Variants in RANBP17 observed in about 807,000 individuals in gnomAD.
RANBP17 encodes the protein ran-binding protein 17.
Under a neutral mutation model 141.2 loss-of-function variants are expected in RANBP17, and 158 were observed. The ratio of observed to expected loss-of-function variants is 1.12; its 90% CI spans 0.98 to 1.28. The LOEUF is 1.28. Ranked by LOEUF, RANBP17 falls within the 50% of genes most tolerant of loss-of-function variation. The pLI is 0.00. For missense variants in RANBP17, 1,438 were observed against 1,290.7 expected (o/e 1.11, Z -1.75); for synonymous variants, 430 against 450.0 (o/e 0.96, Z 0.56).
At chr5:171,172,371 T>C (rs1241137565) in intron 16 of RANBP17, among the ~76,000 whole-genome samples, 1 of 151,812 alleles carries the variant, frequency 6.6e-6, no homozygotes, top group Non-Finnish European at 1.5e-5. Flanking sequence ...TCAGGATTCT[T>C]TTTATTATTT....
intron 13 of RANBP17, among the ~76,000 whole-genome samples, chr5:170,963,958 A>C (rs1160459244): frequency 1.3e-5 from 2 of 152,238 alleles, no homozygotes; most frequent in African/African-American, 2.4e-5. Context: ...AAAGGATATG[A>C]GCAAACGGGT....
At chr5:171,036,855 T>C (rs1581459111) in intron 14 of RANBP17, among the ~76,000 whole-genome samples, 1 of 152,208 alleles carries the variant, frequency 6.6e-6, no homozygotes, top group East Asian at 1.9e-4. Flanking sequence ...AACATCTAGA[T>C]TGATTCCACA....
At chr5:170,908,528 A>G (rs1771258272) in intron 5 of RANBP17, among the ~76,000 whole-genome samples, 1 of 151,362 alleles carries the variant, frequency 6.6e-6, no homozygotes, top group African/African-American at 2.4e-5. Flanking sequence ...GGAGAGATAG[A>G]AAGGGGTAAA....
At chr5:170,916,790 A>G (rs754011490) in intron 9 of RANBP17, among the ~76,000 whole-genome samples, 4 of 149,052 alleles carry the variant, frequency 2.7e-5, no homozygotes, top group Non-Finnish European at 4.4e-5. Context: ...ATCTTGGCTC[A>G]CTGCAACCTC....
intron 14 of RANBP17, among the ~76,000 whole-genome samples, chr5:171,045,920 C>G (rs1782552159): frequency 6.6e-6 from 1 of 152,168 alleles, no homozygotes. Flanking sequence ...TTCCCATTCA[C>G]TACTGTTTTG....
chr5:171,010,908 A>G (rs1339949531), intron 14 of RANBP17, among the ~76,000 whole-genome samples: 1 of 152,154 alleles, frequency 6.6e-6, no homozygotes, highest in Non-Finnish European at 1.5e-5. Context: ...GAATTGTAAT[A>G]CGTAATTTAA....
intron 14 of RANBP17, among the ~76,000 whole-genome samples, chr5:171,025,834 T>C (rs1047597384): frequency 1.3e-5 from 2 of 152,138 alleles, no homozygotes; most frequent in African/African-American, 4.8e-5. Context: ...GTGATCCTCC[T>C]GCCTCGGTCT....
chr5:171,169,673 T>A (rs1035173314), intron 14 of RANBP17, among the ~76,000 whole-genome samples: 1 of 133,822 alleles, frequency 7.5e-6, no homozygotes, highest in Non-Finnish European at 1.7e-5. Context: ...TTGATTTTTT[T>A]AAATCCTTAT....
intron 25 of RANBP17, among the ~76,000 whole-genome samples, chr5:171,289,842 C>CA (rs1205711133): frequency 2.0e-5 from 3 of 151,878 alleles, no homozygotes; most frequent in Non-Finnish European, 4.4e-5. Flanking sequence ...CCAGCCAGGC[C>CA]AACATGGTGA....
At chr5:171,090,161 C>T (rs1265394874) in intron 14 of RANBP17, among the ~76,000 whole-genome samples, 1 of 152,096 alleles carries the variant, frequency 6.6e-6, no homozygotes, top group Non-Finnish European at 1.5e-5. Flanking sequence ...TTTGGAACTC[C>T]CTAGAGACTT....
rs1299272359 is a variant in RANBP17, at chr5:170,916,589, T to A, written c.954+5T>A. 1 of 1,526,210 alleles carries A rather than the reference T, an allele frequency of 6.6e-7. No individual in the cohort carries two copies. The highest frequency in any genetic ancestry group is 2.0e-5 in the Admixed American group (1 of 50,336). 94.5% of individuals were successfully genotyped at this position (1,526,210 alleles called of 1,614,324 possible). A position where few individuals can be genotyped will look rare whatever the true frequency, so the allele number is the denominator to read the frequency against. On this transcript the variant is annotated splice_donor_5th_base_variant and intron_variant, in intron 9 of 27. Transcript: ENST00000523189. ...AGGATACTTGAAAACCCTCAGGTAT[T>A]TATGAAGTAATTTAATACTTAGCAT...
intron 5 of RANBP17, among the ~76,000 whole-genome samples, chr5:170,901,163 T>C (rs1770604003): frequency 6.6e-6 from 1 of 152,206 alleles, no homozygotes; most frequent in Non-Finnish European, 1.5e-5. Context: ...TGTAGGTCTC[T>C]AAGAACTTGC....
chr5:170,876,788 A>G (rs1768216705), intron 1 of RANBP17, among the ~76,000 whole-genome samples: 1 of 152,112 alleles, frequency 6.6e-6, no homozygotes, highest in African/African-American at 2.4e-5. Context: ...ACATGAGGGA[A>G]TGTGTGGGCT....
At chr5:171,081,872 CT>C (rs1226598940) in intron 14 of RANBP17, among the ~76,000 whole-genome samples, 2 of 152,064 alleles carry the variant, frequency 1.3e-5, no homozygotes, top group Non-Finnish European at 2.9e-5. Context: ...TTTTCCTACT[CT>C]TTCATGAATC....
chr5:171,215,543 CT>C (rs1474294885), intron 21 of RANBP17, among the ~76,000 whole-genome samples: 1 of 152,178 alleles, frequency 6.6e-6, no homozygotes, highest in Non-Finnish European at 1.5e-5. Flanking sequence ...ATTCCTGTTT[CT>C]CCACAGCCTG....
At chr5:170,953,302 A>G (rs1775349492) in intron 12 of RANBP17, among the ~76,000 whole-genome samples, 1 of 152,144 alleles carries the variant, frequency 6.6e-6, no homozygotes, top group Admixed American at 6.5e-5. Flanking sequence ...TTTCCATTTT[A>G]CAAATGAAAA....
chr5:170,970,932 T>C (rs1463889468), intron 14 of RANBP17, among the ~76,000 whole-genome samples: 5 of 152,184 alleles, frequency 3.3e-5, no homozygotes, highest in South Asian at 2.1e-4. Context: ...TTTATTGTTA[T>C]CTGAAAGAGC....
intron 24 of RANBP17, among the ~76,000 whole-genome samples, chr5:171,248,589 G>A (rs1561799030): frequency 6.6e-6 from 1 of 152,148 alleles, no homozygotes; most frequent in Admixed American, 6.5e-5. Context: ...ACATTAACAT[G>A]AGCAGTGATT....
At chr5:171,155,372 A>G (rs943518760) in intron 14 of RANBP17, among the ~76,000 whole-genome samples, 2 of 151,984 alleles carry the variant, frequency 1.3e-5, no homozygotes, top group Admixed American at 6.6e-5. Flanking sequence ...CTTGATCACT[A>G]TTTGAGAATA....
Sources: gnomAD v4.1 joint callset for allele counts (sites outside exome capture counted in the v4.1 genomes callset) on GRCh38, gnomAD v4.1.1 for gene constraint, MANE v1.5 for transcripts, NCBI Gene and HGNC (gene_info 2026-07-23, HGNC 2026-07-21) for gene names.